Variants in TENM4 observed in about 807,000 individuals in gnomAD.
TENM4 encodes teneurin-4.
A neutral mutation model predicts 243.3 loss-of-function variants in TENM4; 82 were observed. That is an observed-to-expected ratio of 0.34 (90% confidence interval 0.28 to 0.40). The LOEUF is 0.40. Ranked by LOEUF, TENM4 falls within the 10% of genes least tolerant of loss-of-function variation. TENM4 has a pLI of 1.00. For missense variants in TENM4, 3,138 were observed against 3,673.3 expected (o/e 0.85, Z 3.77); for synonymous variants, 1,412 against 1,456.3 (o/e 0.97, Z 0.69).
intron 6 of TENM4, among the ~76,000 whole-genome samples, chr11:78,969,679 A>G (rs547170922): frequency 6.6e-6 from 1 of 152,368 alleles, no homozygotes; most frequent in South Asian, 2.1e-4. Flanking sequence ...ATGTGAGCTT[A>G]CACAATGGAA....
rs1858056856 is a variant in TENM4, at chr11:78,991,924, C to A, written c.493+72814G>T. ...GGGAACAGGAGGGGTGGCAGGAAAC[C>A]CCATTCTATTTTGAGAAAATAGTTG... On this transcript the variant is annotated intron_variant, in intron 6 of 33. Coordinates refer to ENST00000278550, the MANE Select transcript of TENM4 (RefSeq NM_001098816.3). 2.0e-5 allele frequency among the ~76,000 whole-genome samples: 3 copies of A among 152,148 alleles called. No individual in the cohort carries two copies. The South Asian group carries it at 6.2e-4, about 31-fold the overall frequency.
chr11:78,823,096 C>T, intron 12 of TENM4, among the ~76,000 whole-genome samples: 1 of 152,188 alleles, frequency 6.6e-6, no homozygotes, highest in East Asian at 1.9e-4. Flanking sequence ...GAGCACGTGC[C>T]AGAGAGATCA....
chr11:78,882,908 T>C (rs1004170465), intron 9 of TENM4, among the ~76,000 whole-genome samples: 3 of 152,312 alleles, frequency 2.0e-5, no homozygotes, highest in Admixed American at 6.5e-5. Flanking sequence ...TCTTGTGCAG[T>C]TGAAAAATGC....
At chr11:78,758,929 G>C (rs1426502085) in intron 18 of TENM4, among the ~76,000 whole-genome samples, 1 of 152,190 alleles carries the variant, frequency 6.6e-6, no homozygotes, top group Non-Finnish European at 1.5e-5. Context: ...GATCATAAGA[G>C]TAAGTGTCAA....
chr11:79,192,122 C>A (rs549563689), intron 3 of TENM4, among the ~76,000 whole-genome samples: 1 of 150,616 alleles, frequency 6.6e-6, no homozygotes, highest in Non-Finnish European at 1.5e-5. Flanking sequence ...CCCGGCCAGC[C>A]GCCCCGTCCG....
intron 1 of TENM4, among the ~76,000 whole-genome samples, chr11:79,421,940 T>C (rs758790315): frequency 1.3e-5 from 2 of 152,068 alleles, no homozygotes; most frequent in Non-Finnish European, 2.9e-5. Context: ...AAGGTGCAGA[T>C]ACCCCTTTCA....
intron 6 of TENM4, among the ~76,000 whole-genome samples, chr11:78,939,205 G>A (rs1182336818): frequency 2.6e-5 from 4 of 152,134 alleles, no homozygotes; most frequent in Admixed American, 2.0e-4. Flanking sequence ...TCAGTCTCCC[G>A]AGGAACACTT....
rs372765091 is a variant in TENM4 at position 78,771,073 on chromosome 11, C to T, written c.2458G>A (p.Val820Ile). 37 of 1,577,506 alleles carry T rather than the reference C, an allele frequency of 2.3e-5. No homozygotes were observed. Among genetic ancestry groups the T allele is most frequent in the South Asian group, 4.7e-5 (4 of 85,580 alleles). ...GCTCCTCTCCAGCCCAGCTGGCAGACGCAGTGCCAACCATTCAGGTCTAAG... is the reference window on the plus strand; with the variant it reads ...GCTCCTCTCCAGCCCAGCTGGCAGATGCAGTGCCAACCATTCAGGTCTAAG... ...CTLDLNGWHCVCQLGWRGAGC... is the reference protein window; with the variant it reads ...CTLDLNGWHCICQLGWRGAGC... Residue 820 changes from valine (V) to isoleucine (I), a missense_variant, in exon 18 of 34, where the codon GTC becomes ATC. By Grantham distance (29) the Val-to-Ile change is conservative (BLOSUM62 3). Around this residue, in one of 2 missense-constraint regions of TENM4, gnomAD observed 2,467 missense variants for 3,059.1 expected, o/e 0.81. Coordinates refer to ENST00000278550, the MANE Select transcript of TENM4 (RefSeq NM_001098816.3).
At chr11:79,108,086 A>T (rs1371879599) in intron 4 of TENM4, among the ~76,000 whole-genome samples, 1 of 152,244 alleles carries the variant, frequency 6.6e-6, no homozygotes, top group Non-Finnish European at 1.5e-5. Context: ...TTCGTATTAC[A>T]AAAAGGAAAA....
intron 1 of TENM4, among the ~76,000 whole-genome samples, chr11:79,298,521 C>CAAAAAA (rs61373828): frequency 1.2e-4 from 2 of 17,248 alleles, no homozygotes; most frequent in East Asian, 2.3e-3. Context: ...GACTCCGTCT[C>CAAAAAA]AAAAAAAAAA....
At chr11:79,291,578 G>A (rs1369406149) in intron 2 of TENM4, among the ~76,000 whole-genome samples, 3 of 152,090 alleles carry the variant, frequency 2.0e-5, no homozygotes, top group Non-Finnish European at 4.4e-5. Context: ...GGAAATCCCA[G>A]AGAGGATTTC....
intron 1 of TENM4, among the ~76,000 whole-genome samples, chr11:79,393,497 A>G (rs2135544776): frequency 6.6e-6 from 1 of 152,352 alleles, no homozygotes; most frequent in South Asian, 2.1e-4. Context: ...TAGCCTAACA[A>G]GGGGCAAAAG....
In TENM4 at chr11:78,846,540, T is replaced by G. The variant is rs566187808; in HGVS notation, c.1681+7564A>C. On this transcript the variant is annotated intron_variant, in intron 12 of 33. Coordinates refer to ENST00000278550, the MANE Select transcript of TENM4 (RefSeq NM_001098816.3). ...CCACTCTGGACTTGCTCCTGCTGTC[T>G]GTCCCCGTTAAAGCATCATGCAAGG... Among the ~76,000 whole-genome samples, 41 of 152,350 alleles carry G rather than the reference T, an allele frequency of 2.7e-4. 1 individual carries two copies. The highest frequency in any genetic ancestry group is 9.9e-4 in the African/African-American group (41 of 41,578).
chr11:79,133,199 A>G (rs1253116281), intron 4 of TENM4, among the ~76,000 whole-genome samples: 3 of 152,226 alleles, frequency 2.0e-5, no homozygotes, highest in African/African-American at 7.2e-5. Context: ...AATACAAAAG[A>G]TCATCCAAGG....
intron 6 of TENM4, among the ~76,000 whole-genome samples, chr11:78,922,155 A>G (rs1856462025): frequency 6.6e-6 from 1 of 152,218 alleles, no homozygotes; most frequent in Non-Finnish European, 1.5e-5. Flanking sequence ...TCTGCAGAAC[A>G]TTTCTATTCA....
At chr11:79,122,189 C>T (rs1861758403) in intron 4 of TENM4, among the ~76,000 whole-genome samples, 1 of 152,028 alleles carries the variant, frequency 6.6e-6, no homozygotes, top group South Asian at 2.1e-4. Context: ...CAGGTGATTG[C>T]TAGTCCCCTT....
chr11:78,814,307 G>A lies in TENM4; in HGVS notation c.1770C>T (p.Pro590=), dbSNP rs751378219. ...CAGAGTTCTCACCTCTGCCACAGTC[G>A]GGGCCCAGGAAACCCAGGAAGCAGT... ...TCHCFLGFLG[P]DCGRASCPVL... The change falls in exon 13 of 34, where the codon CCC becomes CCT. Residue 590 remains proline, a synonymous_variant. Coordinates refer to ENST00000278550, the MANE Select transcript of TENM4 (RefSeq NM_001098816.3). The A allele has an allele frequency of 9.7e-6, 15 of 1,549,846 alleles. No homozygotes were observed. Among genetic ancestry groups the A allele is most frequent in the East Asian group, 2.5e-5 (1 of 40,672 alleles).
intron 2 of TENM4, among the ~76,000 whole-genome samples, chr11:79,273,534 G>A (rs934053943): frequency 1.3e-5 from 2 of 152,132 alleles, no homozygotes; most frequent in African/African-American, 4.8e-5. Context: ...TATTTCAATC[G>A]CTTCGCAAAG....
intron 6 of TENM4, among the ~76,000 whole-genome samples, chr11:78,977,884 A>G (rs1000333051): frequency 2.0e-5 from 3 of 152,250 alleles, no homozygotes; most frequent in African/African-American, 7.2e-5. Flanking sequence ...AAATCATTCT[A>G]CTATAAAGAC....
Sources: allele counts gnomAD v4.1 joint callset (sites outside exome capture counted in the v4.1 genomes callset), GRCh38; gene constraint gnomAD v4.1.1; regional missense constraint gnomAD v4.1.1; transcripts MANE v1.5; gene names NCBI Gene and HGNC (gene_info 2026-07-23, HGNC 2026-07-21).